FHIT: variants seen among roughly 807,000 people sequenced by gnomAD.
The protein encoded by FHIT is bis(5'-adenosyl)-triphosphatase.
A neutral mutation model predicts 17.9 loss-of-function variants in FHIT; 19 were observed. The ratio of observed to expected loss-of-function variants is 1.06; its 90% confidence interval spans 0.74 to 1.56. FHIT has a LOEUF of 1.56. FHIT is among the 40% of genes most tolerant of loss of function. The pLI is 0.00. For synonymous variants in FHIT, 81 were observed against 69.7 expected (o/e 1.16, Z -0.81); for missense variants, 248 against 189.2 (o/e 1.31, Z -1.82).
At chr3:60,581,760 T>G (rs1256702783) in intron 4 of FHIT, among the ~76,000 whole-genome samples, 1 of 152,110 alleles carries the variant, frequency 6.6e-6, no homozygotes, top group Non-Finnish European at 1.5e-5. Context: ...GTTATCAAAG[T>G]CCAAGTGATT....
At chr3:60,002,748 G>C (rs1189739322) in intron 7 of FHIT, among the ~76,000 whole-genome samples, 1 of 152,126 alleles carries the variant, frequency 6.6e-6, no homozygotes, top group Non-Finnish European at 1.5e-5. Flanking sequence ...TGTGTCTTGA[G>C]ACTTACTTTA....
intron 2 of FHIT, among the ~76,000 whole-genome samples, chr3:61,174,637 G>C (rs1472587794): frequency 2.6e-5 from 4 of 152,168 alleles, no homozygotes; most frequent in African/African-American, 7.2e-5. Flanking sequence ...ACATGCTATA[G>C]CCAGGCCAAT....
intron 4 of FHIT, among the ~76,000 whole-genome samples, chr3:60,682,141 T>G (rs572977105): frequency 6.6e-6 from 1 of 152,082 alleles, no homozygotes; most frequent in East Asian, 1.9e-4. Context: ...CCTGCTAATT[T>G]TTTGTATTTT....
intron 3 of FHIT, among the ~76,000 whole-genome samples, chr3:60,955,629 T>TAC (rs1265627849): frequency 5.5e-4 from 21 of 38,284 alleles, no homozygotes; most frequent in Admixed American, 1.1e-3. Flanking sequence ...TATATATATA[T>TAC]ATATACACAC....
rs1212437692 is a variant in FHIT, at chr3:60,842,619, ATATATGAGTG to A, written c.-110-20618_-110-20609del. Among the ~76,000 whole-genome samples, 47 of 112,066 alleles carry A rather than the reference ATATATGAGTG, an allele frequency of 4.2e-4. 2 individuals are homozygous for A. The highest frequency in any genetic ancestry group is 6.9e-4 in the African/African-American group (19 of 27,348). 73.5% of individuals were successfully genotyped at this position (112,066 alleles called of 152,430 possible). A position where few individuals can be genotyped will look rare whatever the true frequency, so the allele number is the denominator to read the frequency against. On this transcript the variant is annotated intron_variant, in intron 3 of 9. Coordinates refer to ENST00000492590, the MANE Select transcript of FHIT (RefSeq NM_002012.4). ...AATGAGTGTATATATATATACATAT[ATATATGAGTG>A]TATATATATATATATATTTTTTTTT...
chr3:60,976,193 A>G (rs1159996780), intron 3 of FHIT, among the ~76,000 whole-genome samples: 3 of 129,942 alleles, frequency 2.3e-5, no homozygotes, highest in Non-Finnish European at 4.6e-5. Flanking sequence ...TGCAACCTCT[A>G]CCTCCTGGGT....
intron 5 of FHIT, among the ~76,000 whole-genome samples, chr3:60,371,765 G>C (rs185603163): frequency 6.6e-6 from 1 of 151,688 alleles, no homozygotes; most frequent in African/African-American, 2.4e-5. Flanking sequence ...AAGGTAGCAG[G>C]ACATTGGGGA....
chr3:59,908,327 A>C (rs951835695), intron 8 of FHIT, among the ~76,000 whole-genome samples: 1 of 152,252 alleles, frequency 6.6e-6, no homozygotes, highest in African/African-American at 2.4e-5. Flanking sequence ...GGAGGCACCT[A>C]ATTTCCTGCA....
chr3:60,248,976 A>T (rs1165517321), intron 5 of FHIT, among the ~76,000 whole-genome samples: 1 of 152,196 alleles, frequency 6.6e-6, no homozygotes, highest in African/African-American at 2.4e-5. Context: ...TAGCCTGCCT[A>T]CAGAGTTCAC....
At chr3:61,195,284 G>GA (rs201555246) in intron 2 of FHIT, among the ~76,000 whole-genome samples, 19 of 149,958 alleles carry the variant, frequency 1.3e-4, no homozygotes, top group Non-Finnish European at 1.8e-4. Context: ...CAAAAAAAAA[G>GA]AAAAAAAAAT....
chr3:60,346,532 G>A (rs886763591), intron 5 of FHIT, among the ~76,000 whole-genome samples: 1 of 152,138 alleles, frequency 6.6e-6, no homozygotes, highest in African/African-American at 2.4e-5. Flanking sequence ...GCCTGGAATC[G>A]ATCTATGAGA....
intron 3 of FHIT, among the ~76,000 whole-genome samples, chr3:60,920,626 C>G (rs566115736): frequency 7.9e-5 from 12 of 152,092 alleles, no homozygotes; most frequent in African/African-American, 2.7e-4. Flanking sequence ...TGCCAAGGAC[C>G]TGGGGAAGAG....
chr3:61,244,840 C>T (rs2040452260), intron 1 of FHIT, among the ~76,000 whole-genome samples: 1 of 152,186 alleles, frequency 6.6e-6, no homozygotes, highest in Admixed American at 6.5e-5. Flanking sequence ...AAAAAATACA[C>T]AGGTTTACCA....
At chr3:61,132,081 G>C (rs1374619592) in intron 2 of FHIT, among the ~76,000 whole-genome samples, 1 of 152,248 alleles carries the variant, frequency 6.6e-6, no homozygotes, top group East Asian at 1.9e-4. Context: ...ATGCTTTCAT[G>C]TAGGGTGGTT....
chr3:60,293,726 T>C (rs1390900919), intron 5 of FHIT, among the ~76,000 whole-genome samples: 3 of 152,108 alleles, frequency 2.0e-5, no homozygotes. Flanking sequence ...AAATCAACAG[T>C]GCCCACTGGA....
chr3:60,199,679 C>A (rs1169365928), intron 5 of FHIT, among the ~76,000 whole-genome samples: 1 of 152,012 alleles, frequency 6.6e-6, no homozygotes, highest in Non-Finnish European at 1.5e-5. Context: ...ATGTTTTTAT[C>A]CTGAGATATT....
chr3:60,526,753 A>G (rs1259290689), intron 5 of FHIT, among the ~76,000 whole-genome samples: 1 of 151,984 alleles, frequency 6.6e-6, no homozygotes. Context: ...ACCTCCCTGC[A>G]CTCCCAGATC....
chr3:60,780,513 C>A (rs1054812790), intron 4 of FHIT, among the ~76,000 whole-genome samples: 1 of 152,092 alleles, frequency 6.6e-6, no homozygotes, highest in African/African-American at 2.4e-5. Flanking sequence ...CCCTTCATTT[C>A]GTTTTGATAC....
chr3:59,967,452 C>G (rs181569147), intron 7 of FHIT, among the ~76,000 whole-genome samples: 1 of 152,098 alleles, frequency 6.6e-6, no homozygotes, highest in Admixed American at 6.6e-5. Flanking sequence ...TGGACTACAA[C>G]GTAAAGACAG....
Sources: gnomAD v4.1 joint callset for allele counts (sites outside exome capture counted in the v4.1 genomes callset) on GRCh38, gnomAD v4.1.1 for gene constraint, MANE v1.5 for transcripts, NCBI Gene and HGNC (gene_info 2026-07-23, HGNC 2026-07-21) for gene names.